The following DLEU7 variants were observed in gnomAD, a reference collection of about 807,000 sequenced individuals.
DLEU7 encodes deleted in lymphocytic leukemia 7.
A neutral mutation model predicts 16.0 loss-of-function variants in DLEU7; 17 were observed. That is an observed-to-expected ratio of 1.06 (90% CI 0.73 to 1.59). The LOEUF is 1.59. Ranked by LOEUF, DLEU7 falls within the 40% of genes most tolerant of loss-of-function variation. The pLI is 0.00. For synonymous variants in DLEU7, 113 were observed against 139.8 expected, an observed-to-expected ratio of 0.81 and a Z score of 1.35; for missense variants, 308 against 314.9, an observed-to-expected ratio of 0.98 and a Z score of 0.17.
intron 1 of DLEU7, among the ~76,000 whole-genome samples, chr13:50,813,762 A>G (rs1876640619): frequency 6.6e-6 from 1 of 152,116 alleles, no homozygotes; most frequent in African/African-American, 2.4e-5. Context: ...ATCTCACCTG[A>G]TAGATCAAAT....
At chr13:50,713,752 A>G (rs925253786) in intron 1 of DLEU7, among the ~76,000 whole-genome samples, 2 of 152,194 alleles carry the variant, frequency 1.3e-5, no homozygotes, top group Non-Finnish European at 2.9e-5. Flanking sequence ...CTAACAGAGG[A>G]AGCTGGGCTT....
At chr13:50,750,678 G>GT in intron 1 of DLEU7, among the ~76,000 whole-genome samples, 1 of 151,426 alleles carries the variant, frequency 6.6e-6, no homozygotes. Flanking sequence ...TATGTTTTTT[G>GT]TTTGTTTGTT....
chr13:50,732,379 GGT>G (rs1378782673), intron 1 of DLEU7, among the ~76,000 whole-genome samples: 2 of 152,082 alleles, frequency 1.3e-5, no homozygotes, highest in African/African-American at 2.4e-5. Context: ...GGGAGGCTGA[GGT>G]GGGCTAATCA....
At chr13:50,723,444 ACG>A (rs1331432548) in intron 1 of DLEU7, among the ~76,000 whole-genome samples, 24 of 148,476 alleles carry the variant, frequency 1.6e-4, no homozygotes, top group Non-Finnish European at 2.8e-4. Context: ...ACACACACAC[ACG>A]TATTGGTCAT....
At chr13:50,750,037 G>A (rs1275070529) in intron 1 of DLEU7, among the ~76,000 whole-genome samples, 2 of 152,200 alleles carry the variant, frequency 1.3e-5, no homozygotes, top group East Asian at 3.9e-4. Flanking sequence ...GGTTTTTTCA[G>A]TGTTATCTTC....
chr13:50,801,949 A>T (rs910579678), intron 1 of DLEU7, among the ~76,000 whole-genome samples: 4 of 152,014 alleles, frequency 2.6e-5, no homozygotes, highest in Non-Finnish European at 5.9e-5. Flanking sequence ...TCTGTGCCAG[A>T]TGCTGTGTTG....
At chr13:50,828,757 T>C (rs1037826462) in intron 1 of DLEU7, among the ~76,000 whole-genome samples, 2 of 152,156 alleles carry the variant, frequency 1.3e-5, no homozygotes, top group Admixed American at 1.3e-4. Context: ...TCTGACAAAG[T>C]GCTTATTAGA....
chr13:50,843,731 A>G, upstream of DLEU7: 2 of 1,451,162 alleles, frequency 1.4e-6, no homozygotes, highest in Non-Finnish European at 1.8e-6. The surrounding 1 kb of genome is among the most constrained non-coding windows in gnomAD (Gnocchi z 5.7). Flanking sequence ...CCAAGGTCAC[A>G]TTTTCTAACC....
intron 1 of DLEU7, among the ~76,000 whole-genome samples, chr13:50,755,411 G>A (rs1258174935): frequency 6.6e-6 from 1 of 151,996 alleles, no homozygotes; most frequent in African/African-American, 2.4e-5. Flanking sequence ...CTTTGTCTTT[G>A]TTATATTGGG....
intron 1 of DLEU7, among the ~76,000 whole-genome samples, chr13:50,735,785 G>A (rs1411460234): frequency 6.6e-6 from 1 of 152,082 alleles, no homozygotes; most frequent in Admixed American, 6.6e-5. Flanking sequence ...TTAGAGAAAC[G>A]AAAATCAAAA....
chr13:50,771,855 A>C (rs1365539121), intron 1 of DLEU7, among the ~76,000 whole-genome samples: 3 of 152,104 alleles, frequency 2.0e-5, no homozygotes, highest in African/African-American at 7.2e-5. Flanking sequence ...TCTAATATTG[A>C]CAGTGGGGTA....
intron 1 of DLEU7, among the ~76,000 whole-genome samples, chr13:50,816,929 C>G (rs60532850): frequency 6.6e-6 from 1 of 152,076 alleles, no homozygotes; most frequent in Non-Finnish European, 1.5e-5. Context: ...TTGCTGTTCT[C>G]CTGTACTCTT....
chr13:50,728,553 AT>A (rs532029316), intron 1 of DLEU7, among the ~76,000 whole-genome samples: 12 of 151,064 alleles, frequency 7.9e-5, no homozygotes, highest in South Asian at 2.1e-4. Flanking sequence ...GGAAAGCCCT[AT>A]TTTTTTTTCA....
intron 1 of DLEU7, among the ~76,000 whole-genome samples, chr13:50,755,776 G>C (rs1593543943): frequency 6.6e-6 from 1 of 151,814 alleles, no homozygotes; most frequent in Admixed American, 6.6e-5. Flanking sequence ...CGGTATTAAA[G>C]AACTTTGTAC....
chr13:50,746,198 CA>C (rs1345390337), intron 1 of DLEU7, among the ~76,000 whole-genome samples: 1 of 152,294 alleles, frequency 6.6e-6, no homozygotes, highest in East Asian at 1.9e-4. Flanking sequence ...TTTGTTAAAA[CA>C]AACAAATACA....
intron 1 of DLEU7, among the ~76,000 whole-genome samples, chr13:50,759,427 G>A (rs1457706244): frequency 6.6e-6 from 1 of 152,132 alleles, no homozygotes; most frequent in East Asian, 1.9e-4. Flanking sequence ...TGTAAACTAG[G>A]GATGGAACTA....
At chr13:50,775,617 C>T (rs769996806) in intron 1 of DLEU7, among the ~76,000 whole-genome samples, 8 of 152,194 alleles carry the variant, frequency 5.3e-5, no homozygotes, top group African/African-American at 1.9e-4. Flanking sequence ...TCTGATTCCT[C>T]AGTCTCATAA....
At chr13:50,758,182 A>G (rs1874820842) in intron 1 of DLEU7, among the ~76,000 whole-genome samples, 1 of 151,994 alleles carries the variant, frequency 6.6e-6, no homozygotes, top group South Asian at 2.1e-4. Flanking sequence ...ATGTATTTTT[A>G]ACCATAATTG....
chr13:50,843,422 C>T lies in DLEU7; in HGVS notation c.225G>A (p.Arg75=). 1 of 1,324,992 alleles carries T rather than the reference C, an allele frequency of 7.5e-7. No individual in the cohort carries two copies. The highest frequency in any genetic ancestry group is 9.6e-7 in the Non-Finnish European group (1 of 1,042,948). The allele number at this position is 1,324,992 out of a possible 1,614,324, so 82.1% of individuals were successfully genotyped here. The change falls in exon 1 of 2, where the codon AGG becomes AGA. Residue 75 remains arginine, a synonymous_variant. Transcript: ENST00000504404. This position sits in a 1 kb window ranked among gnomAD's most constrained non-coding sequence, Gnocchi z 5.7. ...TCGCCCGCGCCGCGGTCCGCCGACT[C>T]CTGGTCCCCACGCCCCCGCCCCGCT... ...REERGGGVGT[R]SRRTAARANS...
Sources: allele counts gnomAD v4.1 joint callset (sites outside exome capture counted in the v4.1 genomes callset), GRCh38; gene constraint gnomAD v4.1.1; non-coding constraint Gnocchi (gnomAD v3.1); transcripts MANE v1.5; gene names NCBI Gene and HGNC (gene_info 2026-07-23, HGNC 2026-07-21).